KLHL32: variants seen among roughly 807,000 people sequenced by gnomAD.
The protein encoded by KLHL32 is kelch like family member 32, also known as kelch-like protein 32.
A neutral mutation model predicts 64.8 loss-of-function variants in KLHL32; 35 were observed. The observed-to-expected ratio is 0.54, with a 90% confidence interval of 0.41 to 0.72. The LOEUF is 0.72. KLHL32 is among the 30% of genes least tolerant of loss of function. KLHL32 has a pLI of 0.00. For missense variants in KLHL32, 589 were observed against 768.5 expected, an observed-to-expected ratio of 0.77 and a Z score of 2.76; for synonymous variants, 259 against 281.0, an observed-to-expected ratio of 0.92 and a Z score of 0.78.
At chr6:96,995,667 C>T (rs1385112450) in intron 3 of KLHL32, among the ~76,000 whole-genome samples, 1 of 152,172 alleles carries the variant, frequency 6.6e-6, no homozygotes, top group African/African-American at 2.4e-5. Context: ...TGCTAGTGAC[C>T]ATTCTTTCCA....
At chr6:97,055,679 TCC>T (rs1787680282) in intron 4 of KLHL32, among the ~76,000 whole-genome samples, 1 of 151,556 alleles carries the variant, frequency 6.6e-6, no homozygotes, top group African/African-American at 2.4e-5. Flanking sequence ...GTGCCTGTAC[TCC>T]CAGCTAGTTG....
chr6:96,969,077 C>T (rs1279252186), intron 2 of KLHL32, among the ~76,000 whole-genome samples: 3 of 152,164 alleles, frequency 2.0e-5, no homozygotes, highest in African/African-American at 4.8e-5. Flanking sequence ...ACTTGGCTTG[C>T]AGTCTTCCTC....
intron 5 of KLHL32, among the ~76,000 whole-genome samples, chr6:97,084,170 A>G (rs1405889691): frequency 6.6e-6 from 1 of 152,280 alleles, no homozygotes; most frequent in Non-Finnish European, 1.5e-5. Flanking sequence ...ATCTGATAGC[A>G]TTATACATTC....
At position 97,064,669 on chromosome 6, in the gene KLHL32, G is replaced by A. The variant is rs138548618; in HGVS notation, c.354G>A (p.Ala118=). The part of the protein sequence containing the change: ...EPGVIQDVLA[A]GSHLQLLELL... ...GTGTGATCCAGGATGTGCTAGCAGC[G>A]GGCAGTCACCTACAGCTGTTGGAGC... Residue 118 remains alanine, a synonymous_variant, in exon 5 of 11, where the codon GCG becomes GCA. Coordinates refer to ENST00000369261, the MANE Select transcript of KLHL32 (RefSeq NM_052904.4). 7 of 1,613,910 alleles carry A rather than the reference G, an allele frequency of 4.3e-6. No individual in the cohort carries two copies. Among genetic ancestry groups the A allele is most frequent in the African/African-American group, 1.3e-5 (1 of 74,868 alleles).
intron 2 of KLHL32, among the ~76,000 whole-genome samples, chr6:96,975,730 G>A (rs973302260): frequency 1.3e-5 from 2 of 152,152 alleles, no homozygotes; most frequent in African/African-American, 2.4e-5. Context: ...TCAGTATGCA[G>A]CCACAGATGA....
In KLHL32 at chr6:97,075,740, C is replaced by T. The variant is rs912811421; in HGVS notation, c.412-9386C>T. Among the ~76,000 whole-genome samples the T allele has an allele frequency of 7.2e-5, 11 of 152,194 alleles. No individual in the cohort carries two copies. In the South Asian group the frequency reaches 2.1e-3, roughly 29 times the overall value. On this transcript the variant is annotated intron_variant, in intron 5 of 10. Coordinates refer to ENST00000369261, the MANE Select transcript of KLHL32 (RefSeq NM_052904.4). ...CACCAGGTTAGGTAGTCACATAATA[C>T]CTTGATTTATAACTCAGTTGTAATC...
chr6:97,130,932 A>C lies in KLHL32; in HGVS notation c.1589A>C (p.Asn530Thr). 1 of 1,611,718 alleles carries C rather than the reference A, an allele frequency of 6.2e-7. No homozygotes were observed. The highest frequency in any genetic ancestry group is 8.5e-7 in the Non-Finnish European group (1 of 1,178,954). Reference sequence around the variant, plus strand: ...GACACTGACCAGTGGACACGTTGTAATTTCAACCTGCTGACTGGCAAGTAC... The same window carrying C: ...GACACTGACCAGTGGACACGTTGTACTTTCAACCTGCTGACTGGCAAGTAC... ...NIDTDQWTRC[N>T]FNLLTGQNES... Residue 530 changes from asparagine to threonine, a missense_variant, in exon 9 of 11, where the codon AAT becomes ACT. Transcript: ENST00000369261.
chr6:96,964,953 C>G (rs1263285854), intron 1 of KLHL32, among the ~76,000 whole-genome samples: 1 of 152,074 alleles, frequency 6.6e-6, no homozygotes, highest in African/African-American at 2.4e-5. Flanking sequence ...ACGGATGATC[C>G]CATCACCCAG....
At chr6:97,044,621 G>A (rs1785645184) in intron 4 of KLHL32, among the ~76,000 whole-genome samples, 1 of 151,982 alleles carries the variant, frequency 6.6e-6, no homozygotes, top group South Asian at 2.1e-4. Flanking sequence ...CTGCTGTGAT[G>A]CTATAAGGTC....
the KLHL32 span, among the ~76,000 whole-genome samples, chr6:96,903,035 T>C: frequency 6.6e-6 from 1 of 152,266 alleles, no homozygotes; most frequent in African/African-American, 2.4e-5. Context: ...TGCCGCCAGC[T>C]TTTTTCTTTC....
intron 1 of KLHL32, among the ~76,000 whole-genome samples, chr6:96,926,946 AGTTAGTATT>A (rs1247699050): frequency 2.0e-5 from 3 of 152,238 alleles, no homozygotes; most frequent in African/African-American, 7.2e-5. Flanking sequence ...CTCAATTATA[AGTTAGTATT>A]CTCTAACAAA....
intron 5 of KLHL32, among the ~76,000 whole-genome samples, chr6:97,083,707 A>G (rs1792942914): frequency 6.6e-6 from 1 of 152,160 alleles, no homozygotes; most frequent in Non-Finnish European, 1.5e-5. Context: ...CATACTTTGT[A>G]TTTCTGAATT....
intron 3 of KLHL32, among the ~76,000 whole-genome samples, chr6:97,025,562 A>C (rs1053923742): frequency 6.6e-6 from 1 of 152,202 alleles, no homozygotes; most frequent in Non-Finnish European, 1.5e-5. Flanking sequence ...CTGTGGTTTG[A>C]AGAAGTGGAG....
intron 3 of KLHL32, among the ~76,000 whole-genome samples, chr6:97,012,221 C>T (rs1780501895): frequency 6.6e-6 from 1 of 152,180 alleles, no homozygotes; most frequent in Non-Finnish European, 1.5e-5. Flanking sequence ...TTTCTGGAGC[C>T]TGTAATAATG....
the KLHL32 span, among the ~76,000 whole-genome samples, chr6:96,918,183 A>AT: frequency 6.6e-6 from 1 of 152,188 alleles, no homozygotes; most frequent in Non-Finnish European, 1.5e-5. Flanking sequence ...CTCACTCGCA[A>AT]TATCTACAAA....
chr6:96,943,011 T>C (rs1424431338), intron 1 of KLHL32, among the ~76,000 whole-genome samples: 1 of 146,996 alleles, frequency 6.8e-6, no homozygotes, highest in Non-Finnish European at 1.5e-5. Context: ...AAAAGAGAAA[T>C]GAGATGTATT....
intron 3 of KLHL32, among the ~76,000 whole-genome samples, chr6:96,990,318 A>C (rs1361904125): frequency 6.6e-6 from 1 of 150,606 alleles, no homozygotes; most frequent in African/African-American, 2.5e-5. Flanking sequence ...TTTGCAGCTG[A>C]TTTCTTGTCC....
intron 3 of KLHL32, among the ~76,000 whole-genome samples, chr6:96,983,821 A>C (rs1254753947): frequency 6.6e-6 from 1 of 152,016 alleles, no homozygotes; most frequent in African/African-American, 2.4e-5. Context: ...TGATCTTTTC[A>C]AGAAACCACC....
chr6:96,941,929 T>A (rs1490194728), intron 1 of KLHL32, among the ~76,000 whole-genome samples: 1 of 152,198 alleles, frequency 6.6e-6, no homozygotes, highest in African/African-American at 2.4e-5. Context: ...AAATAAATGG[T>A]CCAGATCCTT....
Sources: gnomAD v4.1 joint callset for allele counts (sites outside exome capture counted in the v4.1 genomes callset) on GRCh38, gnomAD v4.1.1 for gene constraint, MANE v1.5 for transcripts, NCBI Gene and HGNC (gene_info 2026-07-23, HGNC 2026-07-21) for gene names.